Variants in KIAA0825 observed in about 807,000 individuals in gnomAD.
The protein encoded by KIAA0825 is KIAA0825, also known as uncharacterized protein KIAA0825.
A neutral mutation model predicts 147.6 loss-of-function variants in KIAA0825; 119 were observed. The ratio of observed to expected loss-of-function variants is 0.81; its 90% CI spans 0.69 to 0.94. The LOEUF is 0.94. KIAA0825 is among the 40% of genes least tolerant of loss of function. KIAA0825 has a pLI of 0.00. For synonymous variants in KIAA0825, 470 were observed against 518.1 expected, an observed-to-expected ratio of 0.91 and a Z score of 1.26; for missense variants, 1,381 against 1,472.7, an observed-to-expected ratio of 0.94 and a Z score of 1.02.
intron 20 of KIAA0825, among the ~76,000 whole-genome samples, chr5:94,185,341 T>C (rs1019314633): frequency 1.3e-5 from 2 of 152,184 alleles, no homozygotes; most frequent in African/African-American, 4.8e-5. Flanking sequence ...GAGCCTTGAG[T>C]ATGCTGAAGA....
intron 20 of KIAA0825, among the ~76,000 whole-genome samples, chr5:94,165,361 A>G (rs1767935520): frequency 6.6e-6 from 1 of 152,196 alleles, no homozygotes; most frequent in Non-Finnish European, 1.5e-5. Flanking sequence ...GCAATAACAA[A>G]TGCTGGCGAG....
chr5:94,284,241 T>G (rs1365670210), intron 20 of KIAA0825, among the ~76,000 whole-genome samples: 4 of 152,146 alleles, frequency 2.6e-5, no homozygotes, highest in Non-Finnish European at 5.9e-5. Flanking sequence ...AATACCTAAT[T>G]ATAACTGCTT....
chr5:94,299,791 G>A lies in KIAA0825; in HGVS notation c.3710+84577C>T, dbSNP rs539376239. 3.7e-4 allele frequency among the ~76,000 whole-genome samples: 56 copies of A among 152,088 alleles called. 1 individual carries two copies. The highest frequency in any genetic ancestry group is 2.0e-4 in the Admixed American group (3 of 15,254). On this transcript the variant is annotated intron_variant, in intron 20 of 20. Transcript: ENST00000682413. ...ATGTTAGAGCAAGGAACAGGGTGTCGGCATTCATGAGTTCCTTAGCTAGAG... is the reference window on the plus strand; with the variant it reads ...ATGTTAGAGCAAGGAACAGGGTGTCAGCATTCATGAGTTCCTTAGCTAGAG...
chr5:94,210,405 T>A (rs1772600289), intron 20 of KIAA0825, among the ~76,000 whole-genome samples: 1 of 152,218 alleles, frequency 6.6e-6, no homozygotes, highest in African/African-American at 2.4e-5. Context: ...GATAAGCATG[T>A]TCCAGGCAAA....
intron 20 of KIAA0825, among the ~76,000 whole-genome samples, chr5:94,309,432 G>A (rs1778964230): frequency 6.6e-6 from 1 of 151,588 alleles, no homozygotes. Context: ...TGCTGCAACT[G>A]GGTATACAAA....
chr5:94,612,510 T>A (rs1374183488), intron 1 of KIAA0825, among the ~76,000 whole-genome samples: 2 of 152,116 alleles, frequency 1.3e-5, no homozygotes, highest in Non-Finnish European at 2.9e-5. Context: ...GGCATTTCTT[T>A]CCTACTCTCA....
At chr5:94,512,531 G>A (rs913737447) in intron 5 of KIAA0825, among the ~76,000 whole-genome samples, 1 of 151,494 alleles carries the variant, frequency 6.6e-6, no homozygotes, top group Admixed American at 6.6e-5. Flanking sequence ...GGAGGCCAAG[G>A]CAAGAGGATT....
chr5:94,399,457 A>C (rs1751091157), intron 16 of KIAA0825, among the ~76,000 whole-genome samples: 1 of 152,106 alleles, frequency 6.6e-6, no homozygotes, highest in Non-Finnish European at 1.5e-5. Context: ...ATGGGCACTC[A>C]AATCCCCAGC....
At chr5:94,489,340 GA>G (rs1176157857) in intron 5 of KIAA0825, among the ~76,000 whole-genome samples, 1 of 152,104 alleles carries the variant, frequency 6.6e-6, no homozygotes, top group Non-Finnish European at 1.5e-5. Context: ...ATCTTCTCCA[GA>G]ATTAATGAAT....
intron 20 of KIAA0825, among the ~76,000 whole-genome samples, chr5:94,339,528 G>A (rs1274763240): frequency 6.6e-6 from 1 of 152,110 alleles, no homozygotes; most frequent in East Asian, 1.9e-4. Flanking sequence ...TTCCTGTAGC[G>A]TCAACGCATT....
chr5:94,594,576 G>A (rs1784931446), intron 1 of KIAA0825: 2 of 721,440 alleles, frequency 2.8e-6, no homozygotes. Flanking sequence ...ACCAGGAGCT[G>A]AAAGGATTGC....
At chr5:94,320,573 T>C (rs754226239) in intron 20 of KIAA0825, among the ~76,000 whole-genome samples, 1 of 151,894 alleles carries the variant, frequency 6.6e-6, no homozygotes, top group Non-Finnish European at 1.5e-5. Flanking sequence ...AACATTATGT[T>C]ACATATTTAT....
chr5:94,402,162 T>A (rs1284731330), intron 16 of KIAA0825, among the ~76,000 whole-genome samples: 1 of 152,202 alleles, frequency 6.6e-6, no homozygotes, highest in Non-Finnish European at 1.5e-5. Context: ...TGTTATTTAG[T>A]AAGGAAAACT....
Position 94,558,026 on chromosome 5 carries a change from G to A in KIAA0825, c.-1-20899C>T, listed in dbSNP as rs114778746. Among the ~76,000 whole-genome samples, 801 of 152,270 alleles carry A rather than the reference G, an allele frequency of 5.3e-3. 9 individuals are homozygous for A. The highest frequency in any genetic ancestry group is 0.018 in the African/African-American group (747 of 41,552). On this transcript the variant is annotated intron_variant, in intron 2 of 20. Transcript: ENST00000682413. ...CTCCTGATCAGGCTAAAAGTTTGCC[G>A]TTGTTCCTGCACAGCTAAGTGCCTG...
chr5:94,557,449 T>C (rs1351272116), intron 2 of KIAA0825, among the ~76,000 whole-genome samples: 1 of 150,696 alleles, frequency 6.6e-6, no homozygotes, highest in Non-Finnish European at 1.5e-5. Flanking sequence ...CATACAGATA[T>C]ACAATGAGGG....
At chr5:94,580,353 C>T (rs1781858727) in intron 2 of KIAA0825, among the ~76,000 whole-genome samples, 1 of 151,536 alleles carries the variant, frequency 6.6e-6, no homozygotes, top group African/African-American at 2.4e-5. Context: ...CATAGGTGAT[C>T]AAAAAAACAA....
chr5:94,489,356 G>A (rs189267736), intron 5 of KIAA0825, among the ~76,000 whole-genome samples: 4 of 152,132 alleles, frequency 2.6e-5, no homozygotes, highest in East Asian at 3.9e-4. Context: ...ATGAATCAGC[G>A]TCTCTACGGG....
chr5:94,461,117 T>C (rs773895833), intron 12 of KIAA0825, among the ~76,000 whole-genome samples: 9 of 151,996 alleles, frequency 5.9e-5, no homozygotes, highest in African/African-American at 1.2e-4. Flanking sequence ...CAAAAAGCCA[T>C]AGGTTAACAA....
At chr5:94,515,545 A>G (rs950720608) in intron 5 of KIAA0825, among the ~76,000 whole-genome samples, 4 of 152,126 alleles carry the variant, frequency 2.6e-5, no homozygotes, top group African/African-American at 9.7e-5. Context: ...TAATCCCAGC[A>G]CTTTGGGAGG....
Sources: gnomAD v4.1 joint callset for allele counts (sites outside exome capture counted in the v4.1 genomes callset) on GRCh38, gnomAD v4.1.1 for gene constraint, MANE v1.5 for transcripts, NCBI Gene and HGNC (gene_info 2026-07-23, HGNC 2026-07-21) for gene names.